Variants in ANXA10 observed in about 807,000 individuals in gnomAD.
The protein encoded by ANXA10 is annexin 14.
A neutral mutation model predicts 53.5 loss-of-function variants in ANXA10; 49 were observed. The observed-to-expected ratio is 0.92, with a 90% CI of 0.73 to 1.16. The LOEUF (loss-of-function observed/expected upper bound fraction) is 1.16. ANXA10 is among the 50% of genes most tolerant of loss of function. The pLI is 0.00. For synonymous variants in ANXA10, 131 were observed against 128.9 expected (o/e 1.02, Z -0.11); for missense variants, 393 against 394.4 (o/e 1.00, Z 0.03).
intron 1 of ANXA10, among the ~76,000 whole-genome samples, chr4:168,124,678 A>G (rs1731040905): frequency 1.3e-5 from 2 of 152,194 alleles, no homozygotes; most frequent in Non-Finnish European, 2.9e-5. Flanking sequence ...GGATGTAATT[A>G]AAGCTAGCAT....
At position 168,128,134 on chromosome 4, in the gene ANXA10, C is replaced by T. The variant is rs749521760; in HGVS notation, c.69C>T (p.Ala23=). 1.1e-4 allele frequency: 177 copies of T among 1,613,218 alleles called. No individual in the cohort carries two copies. The highest frequency in any genetic ancestry group is 1.5e-4 in the Non-Finnish European group (175 of 1,179,652). ...CCAATTTCAATCCCATAATGGATGC[C>T]CAAATGCTAGGAGGAGCACTCCAAG... ...PAPNFNPIMD[A]QMLGGALQGF... is the part of the protein sequence containing the mutation. Residue 23 remains alanine, a synonymous_variant, in exon 2 of 12, where the codon GCC becomes GCT. Coordinates refer to ENST00000359299, the MANE Select transcript of ANXA10 (RefSeq NM_007193.5).
intron 10 of ANXA10, among the ~76,000 whole-genome samples, chr4:168,182,317 A>ATTT (rs1272291110): frequency 2.4e-5 from 1 of 42,316 alleles, no homozygotes; most frequent in Non-Finnish European, 4.4e-5. Flanking sequence ...TTGGAGCATT[A>ATTT]ATTTTTTTTT....
chr4:168,154,036 A>T (rs776420778), intron 3 of ANXA10, among the ~76,000 whole-genome samples: 1 of 151,984 alleles, frequency 6.6e-6, no homozygotes, highest in Non-Finnish European at 1.5e-5. Flanking sequence ...CTCTGAGTTG[A>T]AAACAAAGAT....
intron 3 of ANXA10, among the ~76,000 whole-genome samples, chr4:168,148,389 A>T (rs1050532375): frequency 2.6e-5 from 4 of 152,076 alleles, no homozygotes; most frequent in Admixed American, 2.6e-4. Context: ...CTGGTCTTGA[A>T]TTCCTGACCT....
At chr4:168,153,830 A>G (rs1297251723) in intron 3 of ANXA10, among the ~76,000 whole-genome samples, 1 of 152,148 alleles carries the variant, frequency 6.6e-6, no homozygotes, top group East Asian at 1.9e-4. Context: ...CTTAGCTGGT[A>G]TTTTGCACTG....
intron 11 of ANXA10, 105 bp downstream of exon 11, chr4:168,184,786 A>G (rs530807017): frequency 6.9e-7 from 1 of 1,447,340 alleles, no homozygotes; most frequent in South Asian, 1.3e-5. Context: ...TAAAAAGTTA[A>G]CTATTCAGAC....
intron 1 of ANXA10, among the ~76,000 whole-genome samples, chr4:168,111,332 A>G (rs11944588): frequency 0.065 from 9,827 of 152,258 alleles, 445 homozygotes; most frequent in Non-Finnish European, 0.1. Flanking sequence ...ATCTTAAATT[A>G]CTATATGTTT....
chr4:168,112,314 G>A (rs1326075645), intron 1 of ANXA10, among the ~76,000 whole-genome samples: 1 of 151,822 alleles, frequency 6.6e-6, no homozygotes, highest in Non-Finnish European at 1.5e-5. Context: ...CGGGCTGGGG[G>A]GAAGGCAACA....
chr4:168,095,867 G>T (rs886489185), intron 1 of ANXA10, among the ~76,000 whole-genome samples: 7 of 151,962 alleles, frequency 4.6e-5, no homozygotes, highest in Non-Finnish European at 1.0e-4. Flanking sequence ...TATTTTTTGT[G>T]ACCCCAATTA....
At chr4:168,138,640 A>G (rs1490161150) in intron 2 of ANXA10, among the ~76,000 whole-genome samples, 1 of 152,140 alleles carries the variant, frequency 6.6e-6, no homozygotes, top group African/African-American at 2.4e-5. Flanking sequence ...AATGACACTG[A>G]TAAGCTGATA....
At chr4:168,126,424 TAA>T (rs1310341467) in intron 1 of ANXA10, among the ~76,000 whole-genome samples, 1 of 152,202 alleles carries the variant, frequency 6.6e-6, no homozygotes, top group East Asian at 1.9e-4. Context: ...TACATTGTTA[TAA>T]AGTGTTACCA....
intron 3 of ANXA10, among the ~76,000 whole-genome samples, chr4:168,148,066 G>A (rs985133956): frequency 4.6e-5 from 7 of 152,136 alleles, no homozygotes; most frequent in Non-Finnish European, 1.0e-4. Context: ...GACCCCATGT[G>A]TTTCAGCTTT....
At chr4:168,179,593 T>C (rs1056795554) in intron 9 of ANXA10, among the ~76,000 whole-genome samples, 13 of 152,216 alleles carry the variant, frequency 8.5e-5, no homozygotes, top group African/African-American at 2.9e-4. Flanking sequence ...ATATTTTCTC[T>C]TTGAATTGGC....
intron 6 of ANXA10, among the ~76,000 whole-genome samples, chr4:168,166,029 A>G (rs1185967379): frequency 2.0e-5 from 3 of 152,196 alleles, no homozygotes; most frequent in African/African-American, 7.2e-5. Flanking sequence ...GCACACTAAC[A>G]TTTCTGAGCT....
intron 1 of ANXA10, among the ~76,000 whole-genome samples, chr4:168,105,029 G>A (rs1183056303): frequency 1.3e-5 from 2 of 151,890 alleles, no homozygotes; most frequent in East Asian, 3.9e-4. Context: ...ATGTAGATGA[G>A]TGAATTTGTT....
intron 4 of ANXA10, 25 bp downstream of exon 4, chr4:168,162,666 C>T: frequency 6.3e-7 from 1 of 1,587,438 alleles, no homozygotes; most frequent in South Asian, 1.1e-5. Context: ...CAAAAATATG[C>T]CTGTAACAAG....
chr4:168,163,575 A>G (rs1270447700), intron 4 of ANXA10, among the ~76,000 whole-genome samples: 1 of 152,210 alleles, frequency 6.6e-6, no homozygotes, highest in Non-Finnish European at 1.5e-5. Context: ...ATATGTTTAT[A>G]TGTTGCTGTT....
chr4:168,155,246 C>T (rs1482910369), intron 3 of ANXA10, among the ~76,000 whole-genome samples: 1 of 144,532 alleles, frequency 6.9e-6, no homozygotes, highest in East Asian at 2.0e-4. Context: ...TTTATACATT[C>T]GTACAATTCT....
intron 4 of ANXA10, among the ~76,000 whole-genome samples, chr4:168,163,164 GGAA>G (rs1408438425): frequency 2.6e-5 from 4 of 151,304 alleles, no homozygotes; most frequent in African/African-American, 9.7e-5. Context: ...ATCTTAATTT[GGAA>G]GAATTAGAAT....
Sources: allele counts gnomAD v4.1 joint callset (sites outside exome capture counted in the v4.1 genomes callset), GRCh38; gene constraint gnomAD v4.1.1; transcripts MANE v1.5; gene names NCBI Gene and HGNC (gene_info 2026-07-23, HGNC 2026-07-21).